ITIH2: variants seen among roughly 807,000 people sequenced by gnomAD.
The protein encoded by ITIH2 is inter-alpha-trypsin inhibitor heavy chain H2.
Under a neutral mutation model 104.4 loss-of-function variants are expected in ITIH2, and 103 were observed. The ratio of observed to expected loss-of-function variants is 0.99; its 90% confidence interval spans 0.84 to 1.16. The LOEUF (loss-of-function observed/expected upper bound fraction) is 1.16, where lower values mean the gene tolerates loss of function less well. Ranked by LOEUF, ITIH2 falls within the 50% of genes most tolerant of loss-of-function variation. ITIH2 has a pLI of 0.00. For synonymous variants in ITIH2, 436 were observed against 435.4 expected (o/e 1.00, Z -0.02); for missense variants, 1,108 against 1,162.4 (o/e 0.95, Z 0.68).
At chr10:7,734,653 C>T (rs1835035123) in intron 14 of ITIH2, among the ~76,000 whole-genome samples, 1 of 152,084 alleles carries the variant, frequency 6.6e-6, no homozygotes, top group Non-Finnish European at 1.5e-5. Context: ...CGTGATTGTG[C>T]CACTGCACTC....
chr10:7,731,470 G>A (rs549257750), intron 12 of ITIH2, among the ~76,000 whole-genome samples: 3 of 152,188 alleles, frequency 2.0e-5, no homozygotes, highest in Admixed American at 2.0e-4. Flanking sequence ...CGTAATCCCT[G>A]TAATCCCAGC....
At chr10:7,741,846 A>G (rs1835127404) in intron 16 of ITIH2, among the ~76,000 whole-genome samples, 1 of 152,186 alleles carries the variant, frequency 6.6e-6, no homozygotes, top group Non-Finnish European at 1.5e-5. Flanking sequence ...TAAAGAAATC[A>G]TAAACTCTTC....
rs1250850583 is a variant in ITIH2, at chr10:7,744,241, C to T, written c.2369C>T (p.Ser790Phe). ...ITLSHGSSTFSLSWSDTAQVT... is the reference protein window; with the variant it reads ...ITLSHGSSTFFLSWSDTAQVT... ...CTGAGCCATGGTTCTAGCACATTCT[C>T]CTTGTCCTGGTCCGACACGGCTCAA... Residue 790 changes from serine to phenylalanine, a missense_variant, in exon 18 of 21, where the codon TCC (serine) becomes TTC (phenylalanine). Physicochemically the swap from Ser to Phe is radical, Grantham distance 155. Transcript: ENST00000358415. The T allele has an allele frequency of 2.5e-6, 4 of 1,614,138 alleles. No homozygotes were observed. The highest frequency in any genetic ancestry group is 1.7e-6 in the Non-Finnish European group (2 of 1,180,008).
At chr10:7,723,406 A>G (rs748122849) in intron 8 of ITIH2, 45 bp from the exon 9 acceptor site, 2 of 1,266,650 alleles carry the variant, frequency 1.6e-6, no homozygotes, top group Non-Finnish European at 1.2e-6. Flanking sequence ...CCTACCTTCT[A>G]AACACGAATC....
chr10:7,709,230 T>C (rs764394297), intron 4 of ITIH2, 39 bp downstream of exon 4: 1 of 1,579,442 alleles, frequency 6.3e-7, no homozygotes. Flanking sequence ...TTGTAGGTGC[T>C]CTACTCACAG....
In ITIH2 at chr10:7,732,379, C is replaced by T. The variant is rs553454623; in HGVS notation, c.1689C>T (p.Asp563=). Residue 563 remains aspartate (D), a synonymous_variant, in exon 14 of 21, where the codon GAC becomes GAT. Coordinates refer to ENST00000358415, the MANE Select transcript of ITIH2 (RefSeq NM_002216.3). ...QLVLETLAQM[D]DLQDFLSKDK... ...TCTTGGAGACCCTGGCCCAGATGGACGACTTGCAGGATTTTCTATCGAAAG... is the reference window on the plus strand; with the variant it reads ...TCTTGGAGACCCTGGCCCAGATGGATGACTTGCAGGATTTTCTATCGAAAG... 4.3e-5 allele frequency: 69 copies of T among 1,613,916 alleles called. No individual in the cohort carries two copies. Among genetic ancestry groups the T allele is most frequent in the East Asian group, 3.3e-4 (15 of 44,884 alleles).
intron 15 of ITIH2, among the ~76,000 whole-genome samples, chr10:7,735,678 T>TC (rs1467129858): frequency 2.0e-5 from 3 of 149,258 alleles, no homozygotes; most frequent in South Asian, 2.1e-4. Context: ...TCTTTTCTTT[T>TC]TTTTTTTTTT....
At chr10:7,714,376 G>T (rs1235812767) in intron 5 of ITIH2, among the ~76,000 whole-genome samples, 3 of 151,864 alleles carry the variant, frequency 2.0e-5, no homozygotes, top group Non-Finnish European at 4.4e-5. Flanking sequence ...GTTTCACCGT[G>T]TTGGCCAGGA....
At position 7,745,511 on chromosome 10, in the gene ITIH2, T is replaced by C. The variant is rs572911406; in HGVS notation, c.2581+548T>C. 3.9e-5 allele frequency among the ~76,000 whole-genome samples: 6 copies of C among 152,198 alleles called. No individual in the cohort carries two copies. In the South Asian group the frequency reaches 1.0e-3, roughly 26 times the overall value. On this transcript the variant is annotated intron_variant, in intron 19 of 20. Coordinates refer to ENST00000358415, the MANE Select transcript of ITIH2 (RefSeq NM_002216.3). ...GCTCGTGCCTGTAATCCCAGCACTT[T>C]AGGAGGCCTGGGCAGGTGGATTTGC...
At chr10:7,718,188 C>T (rs1834868546) in intron 6 of ITIH2, among the ~76,000 whole-genome samples, 1 of 152,084 alleles carries the variant, frequency 6.6e-6, no homozygotes, top group Admixed American at 6.5e-5. Flanking sequence ...TGACTTGTGG[C>T]CTTGTAGTCA....
intron 11 of ITIH2, among the ~76,000 whole-genome samples, chr10:7,728,835 G>A (rs895626242): frequency 5.9e-5 from 9 of 152,228 alleles, no homozygotes; most frequent in African/African-American, 1.2e-4. Context: ...GAAAATGCAC[G>A]AGGCAAAAAC....
At chr10:7,716,697 C>G (rs1834852632) in intron 5 of ITIH2, among the ~76,000 whole-genome samples, 1 of 144,786 alleles carries the variant, frequency 6.9e-6, no homozygotes, top group South Asian at 2.2e-4. Flanking sequence ...GATCACACCA[C>G]TGCACTACAG....
intron 15 of ITIH2, among the ~76,000 whole-genome samples, chr10:7,735,880 C>T (rs1231088808): frequency 2.0e-5 from 3 of 151,980 alleles, no homozygotes; most frequent in Non-Finnish European, 4.4e-5. Context: ...ACCATGTTGG[C>T]CAGGCTGGTC....
intron 20 of ITIH2, among the ~76,000 whole-genome samples, chr10:7,747,521 T>G (rs1398895775): frequency 6.6e-6 from 1 of 152,146 alleles, no homozygotes; most frequent in Non-Finnish European, 1.5e-5. Flanking sequence ...CGGGAATCAG[T>G]GAGCATGTGT....
intron 13 of ITIH2, 69 bp from the exon 14 acceptor site, chr10:7,732,269 T>TA: frequency 1.3e-6 from 2 of 1,524,790 alleles, no homozygotes; most frequent in Non-Finnish European, 1.8e-6. Context: ...CAGCAGGTAC[T>TA]AAAAATGTGA....
chr10:7,744,293 C>A lies in ITIH2; in HGVS notation c.2408+13C>A. Reference sequence around the variant, plus strand: ...TCACGAATCAGAGGCAAGTATGATTCCATCTGAACTTGGGCCTGTCCGTGA... The same window carrying A: ...TCACGAATCAGAGGCAAGTATGATTACATCTGAACTTGGGCCTGTCCGTGA... On this transcript the variant is annotated intron_variant, in intron 18 of 20. Transcript: ENST00000358415. 1.2e-6 allele frequency: 2 copies of A among 1,609,282 alleles called. No individual in the cohort carries two copies. The highest frequency in any genetic ancestry group is 1.7e-6 in the Non-Finnish European group (2 of 1,175,934).
At chr10:7,722,864 T>C (rs1317357948) in intron 8 of ITIH2, among the ~76,000 whole-genome samples, 1 of 152,238 alleles carries the variant, frequency 6.6e-6, no homozygotes, top group Non-Finnish European at 1.5e-5. Context: ...CTCTGCTGGC[T>C]GGGAGCCTCC....
intron 9 of ITIH2, among the ~76,000 whole-genome samples, chr10:7,725,517 T>C (rs940865508): frequency 2.6e-5 from 4 of 152,050 alleles, no homozygotes; most frequent in Admixed American, 1.3e-4. Context: ...GTTTTGAAGG[T>C]AGAGTAAACA....
At chr10:7,723,842 C>T (rs1295730146) in intron 9 of ITIH2, among the ~76,000 whole-genome samples, 2 of 152,088 alleles carry the variant, frequency 1.3e-5, no homozygotes, top group Non-Finnish European at 2.9e-5. Flanking sequence ...CTCTTTTCCA[C>T]TCTCTATCCA....
Sources: gnomAD v4.1 joint callset for allele counts (sites outside exome capture counted in the v4.1 genomes callset) on GRCh38, gnomAD v4.1.1 for gene constraint, MANE v1.5 for transcripts, NCBI Gene and HGNC (gene_info 2026-07-23, HGNC 2026-07-21) for gene names.